The following FSTL4 variants were observed in gnomAD, a reference collection of about 807,000 sequenced individuals.
FSTL4 encodes follistatin like 4.
Under a neutral mutation model 78.2 loss-of-function variants are expected in FSTL4, and 28 were observed. The ratio of observed to expected loss-of-function variants is 0.36; its 90% CI spans 0.27 to 0.49. FSTL4 has a LOEUF of 0.49. FSTL4 is among the 20% of genes least tolerant of loss of function. The pLI is 0.98. For missense variants in FSTL4, 922 were observed against 1,084.9 expected, an observed-to-expected ratio of 0.85 and a Z score of 2.11; for synonymous variants, 422 against 440.5, an observed-to-expected ratio of 0.96 and a Z score of 0.53.
At chr5:133,456,812 T>C (rs1327765951) in intron 3 of FSTL4, among the ~76,000 whole-genome samples, 1 of 152,200 alleles carries the variant, frequency 6.6e-6, no homozygotes, top group Non-Finnish European at 1.5e-5. Flanking sequence ...CCCAACTATC[T>C]GTGACATGAA....
intron 3 of FSTL4, among the ~76,000 whole-genome samples, chr5:133,529,885 G>C (rs150271791): frequency 0.013 from 2,005 of 150,372 alleles, 24 homozygotes; most frequent in Admixed American, 0.021. Context: ...TTTTTTAAGC[G>C]TCCTGTCTGA....
In FSTL4 at chr5:133,611,321, C is replaced by CGAA. The variant is rs1452384735; in HGVS notation, c.-11+1003_-11+1004insTTC. On this transcript the variant is annotated intron_variant, in intron 1 of 15. Coordinates refer to ENST00000265342, the MANE Select transcript of FSTL4 (RefSeq NM_015082.2). The surrounding 1 kb of genome is among the most constrained non-coding windows in gnomAD (Gnocchi z 4.9). ...AAACCCCACTGCCTCGGCGGCTTTC[C>CGAA]GCTCCCGCAAGAGTTGCGGGCACAA... Among the ~76,000 whole-genome samples the CGAA allele has an allele frequency of 6.6e-6, 1 of 152,164 alleles. No homozygotes were observed. Among genetic ancestry groups the CGAA allele is most frequent in the African/African-American group, 2.4e-5 (1 of 41,458 alleles).
intron 3 of FSTL4, among the ~76,000 whole-genome samples, chr5:133,467,248 G>C (rs969860109): frequency 1.9e-4 from 28 of 145,724 alleles, no homozygotes; most frequent in Non-Finnish European, 4.0e-4. Context: ...GTGAGAATGA[G>C]TATATGTGAG....
chr5:133,419,610 A>G (rs905974455), intron 3 of FSTL4, among the ~76,000 whole-genome samples: 7 of 152,240 alleles, frequency 4.6e-5, no homozygotes, highest in Non-Finnish European at 1.0e-4. Flanking sequence ...AGTAGGTAAG[A>G]GTAGAATGGC....
the FSTL4 span, among the ~76,000 whole-genome samples, chr5:133,626,428 C>T: frequency 7.0e-6 from 1 of 143,466 alleles, no homozygotes; most frequent in African/African-American, 2.7e-5. Context: ...AGTCTTGAAT[C>T]CTGAGCTCAA....
Position 133,197,421 on chromosome 5 carries a change from T to C in FSTL4, c.*1674A>G, listed in dbSNP as rs1392220879. 1 of 152,156 alleles carries C rather than the reference T, an allele frequency of 6.6e-6. No individual in the cohort carries two copies. The highest frequency in any genetic ancestry group is 2.4e-5 in the African/African-American group (1 of 41,344). 9.4% of individuals were successfully genotyped at this position (152,156 alleles called of 1,614,324 possible). A position where few individuals can be genotyped will look rare whatever the true frequency, so the allele number is the denominator to read the frequency against. The stretch of plus-strand genomic sequence containing the variant: ...TTAAAATAAAAAACAGACGTACCTG[T>C]CTAGGCGCACCCCTAGGAGTTACAG... On this transcript the variant is annotated 3_prime_UTR_variant, in exon 16 of 16. Coordinates refer to ENST00000265342, the MANE Select transcript of FSTL4 (RefSeq NM_015082.2).
intron 6 of FSTL4, among the ~76,000 whole-genome samples, chr5:133,265,397 G>A (rs997249795): frequency 7.9e-5 from 12 of 152,144 alleles, no homozygotes; most frequent in African/African-American, 2.9e-4. Context: ...CTTGGCAGCT[G>A]AAAGTCAATG....
chr5:133,816,917 C>T, the FSTL4 span, among the ~76,000 whole-genome samples: 22 of 152,138 alleles, frequency 1.4e-4, no homozygotes, highest in South Asian at 4.1e-4. Flanking sequence ...TGGGAGGAAG[C>T]GGCAGGGAGA....
chr5:133,807,539 C>T, the FSTL4 span, among the ~76,000 whole-genome samples: 1 of 152,244 alleles, frequency 6.6e-6, no homozygotes, highest in Admixed American at 6.5e-5. Flanking sequence ...TGTCATGCTG[C>T]TCTCCCTTGG....
chr5:133,738,229 C>T, the FSTL4 span, among the ~76,000 whole-genome samples: 1 of 152,176 alleles, frequency 6.6e-6, no homozygotes, highest in African/African-American at 2.4e-5. Context: ...GACTGGATTA[C>T]AGCCTTCCTA....
the FSTL4 span, among the ~76,000 whole-genome samples, chr5:133,789,540 G>C: frequency 6.6e-6 from 1 of 152,194 alleles, no homozygotes; most frequent in African/African-American, 2.4e-5. Context: ...TTACCAAACT[G>C]CTGGGACCTA....
At chr5:133,293,177 C>T (rs892325203) in intron 6 of FSTL4, among the ~76,000 whole-genome samples, 13 of 152,252 alleles carry the variant, frequency 8.5e-5, no homozygotes, top group African/African-American at 2.9e-4. Flanking sequence ...GGCCCTGTGG[C>T]GAACTCTCGG....
At chr5:133,420,791 A>G (rs1011745673) in intron 3 of FSTL4, among the ~76,000 whole-genome samples, 7 of 152,210 alleles carry the variant, frequency 4.6e-5, no homozygotes, top group African/African-American at 1.7e-4. Context: ...GTAGAGTAAT[A>G]CAGGGTCCCA....
intron 8 of FSTL4, among the ~76,000 whole-genome samples, chr5:133,233,084 C>T (rs569379190): frequency 3.9e-5 from 6 of 152,390 alleles, no homozygotes; most frequent in South Asian, 4.1e-4. Context: ...GAGGCCACAG[C>T]GGCTCACCAG....
rs571819347 is a variant in FSTL4 at position 133,228,385 on chromosome 5, C to T, written c.1016-2566G>A. On this transcript the variant is annotated intron_variant, in intron 8 of 15. Coordinates refer to ENST00000265342, the MANE Select transcript of FSTL4 (RefSeq NM_015082.2). ...TCATTCATTTAAGGAATGAATAATC[C>T]CTAGAGCATGGAACAGGGAAGATGT... Among the ~76,000 whole-genome samples the T allele has an allele frequency of 3.3e-5, 5 of 152,104 alleles. No homozygotes were observed. The South Asian group carries it at 1.0e-3, about 32-fold the overall frequency.
intron 4 of FSTL4, among the ~76,000 whole-genome samples, chr5:133,320,933 G>C (rs1754033614): frequency 6.6e-6 from 1 of 150,766 alleles, no homozygotes. Flanking sequence ...TATGAACCCG[G>C]GAGGCACAGC....
chr5:133,780,803 C>T, the FSTL4 span, among the ~76,000 whole-genome samples: 1 of 152,148 alleles, frequency 6.6e-6, no homozygotes, highest in Non-Finnish European at 1.5e-5. Flanking sequence ...AGAACTTGCT[C>T]AGAGTCACAC....
the FSTL4 span, among the ~76,000 whole-genome samples, chr5:133,687,378 G>A: frequency 1.3e-5 from 2 of 152,216 alleles, no homozygotes; most frequent in Non-Finnish European, 2.9e-5. Context: ...CAAACACTCT[G>A]TGGCGTGAGG....
upstream of FSTL4, among the ~76,000 whole-genome samples, chr5:133,617,341 A>T (rs1164640832): frequency 6.6e-6 from 1 of 151,164 alleles, no homozygotes; most frequent in African/African-American, 2.4e-5. Context: ...TGAGGCACCA[A>T]ATGATAGCGA....
Sources: allele counts gnomAD v4.1 joint callset (sites outside exome capture counted in the v4.1 genomes callset), GRCh38; gene constraint gnomAD v4.1.1; non-coding constraint Gnocchi (gnomAD v3.1); transcripts MANE v1.5; gene names NCBI Gene and HGNC (gene_info 2026-07-23, HGNC 2026-07-21).